The following PET100 variants were observed in gnomAD, a reference collection of about 807,000 sequenced individuals.
PET100 encodes the protein PET100 cytochrome c oxidase chaperone.
A neutral mutation model predicts 13.6 loss-of-function variants in PET100; 13 were observed. That is an observed-to-expected ratio of 0.96 (90% confidence interval 0.62 to 1.52). The LOEUF (loss-of-function observed/expected upper bound fraction) is 1.52. Ranked by LOEUF, PET100 falls within the 40% of genes most tolerant of loss-of-function variation. The probability of loss-of-function intolerance (pLI) is 0.00; values close to 1 mark genes in which losing one functional copy is unlikely to be tolerated. For missense variants in PET100, 94 were observed against 95.3 expected (o/e 0.99, Z 0.06); for synonymous variants, 28 against 30.8 (o/e 0.91, Z 0.30).
intron 1 of PET100, 147 bp downstream of exon 1, chr19:7,630,007 A>T: frequency 3.1e-6 from 3 of 970,548 alleles, no homozygotes; most frequent in Non-Finnish European, 4.2e-6. Context: ...CTGGTTGGAA[A>T]TCCAGGAGAG....
chr19:7,631,018 G>A (rs962881577), intron 3 of PET100, 172 bp downstream of exon 3: 2 of 863,264 alleles, frequency 2.3e-6, no homozygotes, highest in African/African-American at 3.4e-5. Context: ...AAACCAGCCT[G>A]GCCAACATGG....
intron 1 of PET100, 99 bp from the exon 2 acceptor site, chr19:7,630,474 C>A: frequency 1.1e-6 from 1 of 946,876 alleles, no homozygotes; most frequent in Non-Finnish European, 1.6e-6. Flanking sequence ...CGTAACGAGG[C>A]GCTTCTGGAC....
intron 1 of PET100, 36 bp from the exon 2 acceptor site, chr19:7,630,537 G>T (rs560064781): frequency 2.0e-5 from 30 of 1,481,400 alleles, no homozygotes; most frequent in Non-Finnish European, 2.5e-5. Flanking sequence ...ACATTGCTTG[G>T]GGGGAGCTCA....
intron 1 of PET100, chr19:7,630,146 ATCCT>A: frequency 2.2e-6 from 1 of 458,792 alleles, no homozygotes; most frequent in Non-Finnish European, 3.9e-6. Flanking sequence ...AAGACTTAAG[ATCCT>A]GGGGGAGCTC....
At chr19:7,630,043 G>A (rs2031239664) in intron 1 of PET100, 183 bp downstream of exon 1, 1 of 724,392 alleles carries the variant, frequency 1.4e-6, no homozygotes, top group Admixed American at 3.6e-5. Context: ...GGGGGTTCTC[G>A]GATTTGGGCT....
chr19:7,631,257 G>A (rs2031281517), intron 3 of PET100: 1 of 1,403,708 alleles, frequency 7.1e-7, no homozygotes, highest in Non-Finnish European at 9.3e-7. Flanking sequence ...CGAGAGCAGA[G>A]GAGTAGATGG....
intron 2 of PET100, 56 bp from the exon 3 acceptor site, chr19:7,630,767 G>A: frequency 6.5e-7 from 1 of 1,536,832 alleles, no homozygotes; most frequent in South Asian, 1.2e-5. Flanking sequence ...ACCCTGCCCT[G>A]ATGTGGGGCT....
chr19:7,631,232 C>T (rs1242772682), intron 3 of PET100: 1 of 1,403,116 alleles, frequency 7.1e-7, no homozygotes, highest in Non-Finnish European at 9.2e-7. Flanking sequence ...TTACTCTCAG[C>T]CATGAGTAAG....
Position 7,630,667 on chromosome 19 carries a change from T to C in PET100, c.114+8T>C, listed in dbSNP as rs1394298336. 6.5e-7 allele frequency: 1 copy of C among 1,536,488 alleles called. No individual in the cohort carries two copies. The highest frequency in any genetic ancestry group is 1.2e-5 in the South Asian group (1 of 84,034). ...GATGTCATACAGCGCAAGGTGGGCA[T>C]AAGAGGAGTGTTTGAGGGTTCATTC... On this transcript the variant is annotated splice_region_variant and intron_variant, in intron 2 of 3. Transcript: ENST00000594797.
chr19:7,631,127 G>T (rs934414558), intron 3 of PET100: 2 of 824,164 alleles, frequency 2.4e-6, no homozygotes, highest in Non-Finnish European at 3.6e-6. Flanking sequence ...AGAATCACTT[G>T]AACCCAGGAG....
intron 3 of PET100, 117 bp downstream of exon 3, chr19:7,630,963 G>C: frequency 1.5e-6 from 2 of 1,308,826 alleles, no homozygotes; most frequent in Non-Finnish European, 2.1e-6. Flanking sequence ...TAATCCCAGG[G>C]CATGGGAGGC....
chr19:7,630,549 C>T (rs1313159096), intron 1 of PET100, 24 bp from the exon 2 acceptor site: 1 of 1,522,534 alleles, frequency 6.6e-7, no homozygotes, highest in Non-Finnish European at 8.8e-7. Flanking sequence ...GGGAGCTCAC[C>T]TCACCCACCC....
intron 1 of PET100, 64 bp downstream of exon 1, chr19:7,629,924 G>A (rs2031236253): frequency 3.4e-6 from 5 of 1,456,616 alleles, no homozygotes; most frequent in Non-Finnish European, 3.6e-6. Flanking sequence ...TGAAGATGAG[G>A]TTGGAAATGG....
Position 7,631,719 on chromosome 19 carries a change from G to T in PET100, c.*163G>T. 1 of 1,449,888 alleles carries T rather than the reference G, an allele frequency of 6.9e-7. No individual in the cohort carries two copies. The highest frequency in any genetic ancestry group is 1.5e-5 in the South Asian group (1 of 64,614). The allele number at this position is 1,449,888 out of a possible 1,614,324, so 89.8% of individuals were successfully genotyped here. On this transcript the variant is annotated 3_prime_UTR_variant, in exon 4 of 4. Coordinates refer to ENST00000594797, the MANE Select transcript of PET100 (RefSeq NM_001171155.2). ...GGGCTTGTGTCGGGGGCTGGGGGCT[G>T]CTGTTCCGACGGAAGCCGAGAGCGG...
At chr19:7,629,939 A>G in intron 1 of PET100, 79 bp downstream of exon 1, 1 of 1,411,246 alleles carries the variant, frequency 7.1e-7, no homozygotes, top group Non-Finnish European at 9.3e-7. Flanking sequence ...AAATGGGGGG[A>G]CTTCAAAGGA....
At chr19:7,630,394 T>G in intron 1 of PET100, 179 bp from the exon 2 acceptor site, 1 of 606,300 alleles carries the variant, frequency 1.6e-6, no homozygotes, top group Non-Finnish European at 2.9e-6. Context: ...CCTCCTGGAT[T>G]ATAGGAGTTA....
rs11881820 is a variant in PET100, at chr19:7,630,955, A to G, written c.138+109A>G. On this transcript the variant is annotated intron_variant, in intron 3 of 3. Coordinates refer to ENST00000594797, the MANE Select transcript of PET100 (RefSeq NM_001171155.2). ...CCAGGCGCAGTGGCTCATGCTTGTAATCCCAGGGCATGGGAGGCTGAGGTG... is the reference window on the plus strand; with the variant it reads ...CCAGGCGCAGTGGCTCATGCTTGTAGTCCCAGGGCATGGGAGGCTGAGGTG... 0.011 allele frequency: 14,516 copies of G among 1,367,528 alleles called. 712 individuals carry two copies. In the Admixed American group the frequency reaches 0.14, roughly 13 times the overall value. 84.7% of individuals were successfully genotyped at this position (1,367,528 alleles called of 1,614,324 possible). A position where few individuals can be genotyped will look rare whatever the true frequency, so the allele number is the denominator to read the frequency against.
rs552635343 is a variant in PET100, at chr19:7,630,733, C to G, written c.114+74C>G. On this transcript the variant is annotated intron_variant, in intron 2 of 3. Transcript: ENST00000594797. ...GTGTGGGGCAGCAGTCTGCTGGGGACTAATGTCTGCCTCCCATAAGCCGAC... is the reference window on the plus strand; with the variant it reads ...GTGTGGGGCAGCAGTCTGCTGGGGAGTAATGTCTGCCTCCCATAAGCCGAC... 316 of 1,532,316 alleles carry G rather than the reference C, an allele frequency of 2.1e-4. 1 individual carries two copies. In the African/African-American group the frequency reaches 4.0e-3, roughly 19 times the overall value. 94.9% of individuals were successfully genotyped at this position (1,532,316 alleles called of 1,614,324 possible).
chr19:7,630,626 C>G lies in PET100; in HGVS notation c.81C>G (p.Ala27=). The change falls in exon 2 of 4, where the codon GCC becomes GCG. Residue 27 remains alanine (A), a synonymous_variant. Transcript: ENST00000594797. ...PVAMFWVSNQ[A]EWFEDDVIQR... is the part of the protein sequence containing the mutation. The stretch of plus-strand genomic sequence containing the variant: ...CTATGTTCTGGGTTTCCAATCAGGC[C>G]GAGTGGTTTGAGGACGATGTCATAC... 1 of 1,537,094 alleles carries G rather than the reference C, an allele frequency of 6.5e-7. No homozygotes were observed. The highest frequency in any genetic ancestry group is 8.7e-7 in the Non-Finnish European group (1 of 1,146,840).
Sources: gnomAD v4.1 joint callset for allele counts on GRCh38, gnomAD v4.1.1 for gene constraint, MANE v1.5 for transcripts, NCBI Gene and HGNC (gene_info 2026-07-23, HGNC 2026-07-21) for gene names.